The following GSAP variants were observed in gnomAD, a reference collection of about 807,000 sequenced individuals.
The protein encoded by GSAP is gamma-secretase activating protein, also known as gamma-secretase-activating protein.
In GSAP, 118 loss-of-function variants were observed where a neutral mutation model predicts 131.7. That is an observed-to-expected ratio of 0.90 (90% CI 0.77 to 1.04). GSAP has a LOEUF of 1.04. GSAP is among the 50% of genes least tolerant of loss of function. The probability of loss-of-function intolerance (pLI) is 0.00; values close to 1 mark genes in which losing one functional copy is unlikely to be tolerated. For synonymous variants in GSAP, 381 were observed against 363.4 expected (o/e 1.05, Z -0.55); for missense variants, 1,019 against 1,013.2 (o/e 1.01, Z -0.08).
chr7:77,410,970 C>T (rs1446603155), intron 1 of GSAP, among the ~76,000 whole-genome samples: 2 of 151,300 alleles, frequency 1.3e-5, no homozygotes, highest in East Asian at 3.9e-4. Context: ...ATGCAGTAAA[C>T]ATTATGTGAT....
intron 23 of GSAP, among the ~76,000 whole-genome samples, chr7:77,325,530 T>A (rs1788209077): frequency 6.6e-6 from 1 of 152,210 alleles, no homozygotes; most frequent in Non-Finnish European, 1.5e-5. Flanking sequence ...GTATTATGAC[T>A]TCTTGAGAAA....
chr7:77,324,832 T>C (rs1307964323), intron 23 of GSAP, among the ~76,000 whole-genome samples: 1 of 146,472 alleles, frequency 6.8e-6, no homozygotes, highest in African/African-American at 2.6e-5. Context: ...CATACTTTTT[T>C]TTTTTTTTTT....
intron 26 of GSAP, chr7:77,316,054 A>C (rs1030669823): frequency 6.6e-6 from 1 of 152,186 alleles, no homozygotes; most frequent in Non-Finnish European, 1.5e-5. Context: ...GACTTTGAGG[A>C]GGTAATGAAA....
chr7:77,338,925 A>T (rs11771542), intron 19 of GSAP, among the ~76,000 whole-genome samples: 1 of 151,672 alleles, frequency 6.6e-6, no homozygotes, highest in South Asian at 2.1e-4. Flanking sequence ...CCACACACAC[A>T]CCCCCGCCCC....
chr7:77,311,964 G>T, intron 29 of GSAP, 24 bp from the exon 30 acceptor site: 1 of 1,369,092 alleles, frequency 7.3e-7, no homozygotes, highest in Non-Finnish European at 1.0e-6. Context: ...CACTTCTGGT[G>T]TAAGCTGATT....
chr7:77,391,925 T>A (rs921305831), intron 5 of GSAP, among the ~76,000 whole-genome samples: 4 of 152,328 alleles, frequency 2.6e-5, no homozygotes, highest in African/African-American at 9.6e-5. Context: ...TATGAGGTGC[T>A]AAATTAAGAA....
chr7:77,362,633 T>A lies in GSAP; in HGVS notation c.899A>T (p.Lys300Met). 1 of 1,584,400 alleles carries A rather than the reference T, an allele frequency of 6.3e-7. No individual in the cohort carries two copies. Among genetic ancestry groups the A allele is most frequent in the Non-Finnish European group, 8.7e-7 (1 of 1,153,524 alleles). ...TGSLCVCYSP[K>M]CASWGQITYS... The stretch of plus-strand genomic sequence containing the variant: ...TGTGATTTGTCCCCAAGAGGCACAC[T>A]TCGGGCTGTAACATACACACAAACT... The change falls in exon 13 of 31, where the codon AAG (lysine) becomes ATG (methionine). Residue 300 changes from lysine to methionine, a missense_variant. Coordinates refer to ENST00000257626, the MANE Select transcript of GSAP (RefSeq NM_017439.4).
chr7:77,323,333 C>T (rs1787912361), intron 24 of GSAP, among the ~76,000 whole-genome samples: 1 of 152,226 alleles, frequency 6.6e-6, no homozygotes, highest in Admixed American at 6.5e-5. Flanking sequence ...AAATCATCTA[C>T]ATGGAGCTGG....
At chr7:77,317,234 T>A (rs1795062966) in intron 26 of GSAP, among the ~76,000 whole-genome samples, 1 of 152,080 alleles carries the variant, frequency 6.6e-6, no homozygotes, top group Non-Finnish European at 1.5e-5. Flanking sequence ...GGGACATGGA[T>A]GAAGCTTGAA....
chr7:77,337,003 A>G (rs905345088), intron 19 of GSAP, among the ~76,000 whole-genome samples: 2 of 152,344 alleles, frequency 1.3e-5, no homozygotes, highest in East Asian at 1.9e-4. Context: ...ACAATTTTTT[A>G]AAATTGTAAA....
intron 1 of GSAP, among the ~76,000 whole-genome samples, chr7:77,415,279 G>C (rs1337946226): frequency 6.6e-6 from 1 of 152,192 alleles, no homozygotes; most frequent in African/African-American, 2.4e-5. Flanking sequence ...TAAGGGAAAG[G>C]AGTTGTAGAT....
intron 16 of GSAP, 169 bp from the exon 17 acceptor site, chr7:77,353,810 T>C: frequency 2.0e-6 from 1 of 498,854 alleles, no homozygotes; most frequent in Non-Finnish European, 3.5e-6. Flanking sequence ...CAATTCTGGG[T>C]AGGTAAAACG....
Position 77,312,011 on chromosome 7 carries a change from G to T in GSAP, c.2374-71C>A, listed in dbSNP as rs1288958256. 5.0e-6 allele frequency: 6 copies of T among 1,189,554 alleles called. No homozygotes were observed. The African/African-American group carries it at 7.5e-5, about 15-fold the overall frequency. The allele number at this position is 1,189,554 out of a possible 1,614,324, so 73.7% of individuals were successfully genotyped here. A position where few individuals can be genotyped will look rare whatever the true frequency, so the allele number is the denominator to read the frequency against. On this transcript the variant is annotated intron_variant, in intron 29 of 30. Transcript: ENST00000257626. The stretch of plus-strand genomic sequence containing the variant: ...GCACAATTTTAAAATAAAGTGATAA[G>T]AACTGTAATTGCTGTCCATACAGAT...
At chr7:77,416,377 C>T, upstream of GSAP, 4 of 944,012 alleles carry the variant, frequency 4.2e-6, no homozygotes, top group Non-Finnish European at 4.5e-6. Flanking sequence ...GCATTCCCGG[C>T]CCCGCGTGGC....
intron 1 of GSAP, among the ~76,000 whole-genome samples, chr7:77,413,018 C>T (rs964955274): frequency 4.6e-5 from 7 of 152,076 alleles, no homozygotes; most frequent in Non-Finnish European, 1.0e-4. Flanking sequence ...AGAGTACTGA[C>T]CATACAGCAA....
At chr7:77,403,796 A>G (rs1198186479) in intron 3 of GSAP, among the ~76,000 whole-genome samples, 1 of 152,210 alleles carries the variant, frequency 6.6e-6, no homozygotes, top group African/African-American at 2.4e-5. Flanking sequence ...ACCTCACCTC[A>G]CTTTGTGGTC....
chr7:77,390,660 G>A (rs982464406), intron 5 of GSAP, among the ~76,000 whole-genome samples: 7 of 151,964 alleles, frequency 4.6e-5, no homozygotes, highest in South Asian at 2.1e-4. Context: ...GCTAAATGAC[G>A]AGTTAATGGG....
At chr7:77,324,826 C>CCT (rs1788107945) in intron 23 of GSAP, among the ~76,000 whole-genome samples, 1 of 97,314 alleles carries the variant, frequency 1.0e-5, no homozygotes, top group African/African-American at 4.4e-5. Context: ...GTTTGCCATA[C>CCT]TTTTTTTTTT....
chr7:77,371,108 C>T (rs956662164), intron 12 of GSAP, among the ~76,000 whole-genome samples: 1 of 152,130 alleles, frequency 6.6e-6, no homozygotes, highest in African/African-American at 2.4e-5. Context: ...CCAGTCTTGA[C>T]CCCTCTTCTA....
Sources: allele counts gnomAD v4.1 joint callset (sites outside exome capture counted in the v4.1 genomes callset), GRCh38; gene constraint gnomAD v4.1.1; transcripts MANE v1.5; gene names NCBI Gene and HGNC (gene_info 2026-07-23, HGNC 2026-07-21).